MED27: variants seen among roughly 807,000 people sequenced by gnomAD.
MED27 encodes the protein mediator complex subunit 27.
A neutral mutation model predicts 38.2 loss-of-function variants in MED27; 30 were observed. The ratio of observed to expected loss-of-function variants is 0.79; its 90% CI spans 0.59 to 1.07. The LOEUF is 1.07. MED27 is among the 50% of genes least tolerant of loss of function. The pLI is 0.00. For missense variants in MED27, 289 were observed against 397.5 expected (o/e 0.73, Z 2.32); for synonymous variants, 122 against 153.5 (o/e 0.79, Z 1.52).
intron 6 of MED27, among the ~76,000 whole-genome samples, chr9:131,875,077 T>C (rs1040095332): frequency 1.1e-4 from 17 of 150,808 alleles, no homozygotes; most frequent in Admixed American, 9.4e-4. Context: ...CCCTGCTCAG[T>C]GGGGGAAACG....
Position 131,975,212 on chromosome 9 carries a change from C to T in MED27, c.480-35738G>A, listed in dbSNP as rs185615834. Among the ~76,000 whole-genome samples, 13 of 152,306 alleles carry T rather than the reference C, an allele frequency of 8.5e-5. No homozygotes were observed. The East Asian group carries it at 2.5e-3, about 29-fold the overall frequency. On this transcript the variant is annotated intron_variant, in intron 3 of 7. Coordinates refer to ENST00000292035, the MANE Select transcript of MED27 (RefSeq NM_004269.4). ...GTCTTTTTCAAAAGGAATGTATCTCCAATTTTATAATCAAATAAATAGCAG... is the reference window on the plus strand; with the variant it reads ...GTCTTTTTCAAAAGGAATGTATCTCTAATTTTATAATCAAATAAATAGCAG...
At position 132,007,795 on chromosome 9, in the gene MED27, G is replaced by A. The variant is rs529962223; in HGVS notation, c.479+6542C>T. Among the ~76,000 whole-genome samples the A allele has an allele frequency of 4.6e-5, 7 of 152,184 alleles. No homozygotes were observed. The South Asian group carries it at 1.0e-3, about 23-fold the overall frequency. On this transcript the variant is annotated intron_variant, in intron 3 of 7. Coordinates refer to ENST00000292035, the MANE Select transcript of MED27 (RefSeq NM_004269.4). ...AGGAGTAGGTGAGAGGGATCCATCA[G>A]CAAGTAGATGGGCTGTTCTTAGCTT...
At chr9:132,078,833 C>T (rs902205273) in intron 1 of MED27, among the ~76,000 whole-genome samples, 1 of 152,196 alleles carries the variant, frequency 6.6e-6, no homozygotes, top group African/African-American at 2.4e-5. Context: ...AAGGCAAGTT[C>T]AGGACCTAAG....
intron 3 of MED27, among the ~76,000 whole-genome samples, chr9:132,002,265 T>C (rs4072844): frequency 0.019 from 2,937 of 152,350 alleles, 89 homozygotes; most frequent in African/African-American, 0.067. Flanking sequence ...AGAGATTTAA[T>C]GTCTCCGCAA....
At chr9:131,940,052 G>A (rs1205736330) in intron 3 of MED27, among the ~76,000 whole-genome samples, 3 of 151,290 alleles carry the variant, frequency 2.0e-5, no homozygotes, top group Non-Finnish European at 3.0e-5. Context: ...GACTACAGGC[G>A]ATCCCCACCA....
chr9:132,039,587 C>T (rs1048365647), intron 2 of MED27, among the ~76,000 whole-genome samples: 11 of 152,262 alleles, frequency 7.2e-5, no homozygotes, highest in African/African-American at 2.2e-4. Context: ...CTAAATTCAC[C>T]GCCAGTCTGT....
rs541922295 is a variant in MED27, at chr9:132,071,922, C to T, written c.348+5520G>A. On this transcript the variant is annotated intron_variant, in intron 2 of 7. Transcript: ENST00000292035. ...CACACAAGCATATGAGTAACACACA[C>T]CCCATAAATGAGTACAGAGGCATAT... Among the ~76,000 whole-genome samples, 4 of 152,170 alleles carry T rather than the reference C, an allele frequency of 2.6e-5. No individual in the cohort carries two copies. The East Asian group carries it at 5.8e-4, about 22-fold the overall frequency.
chr9:131,956,431 C>A (rs1013232692), intron 3 of MED27, among the ~76,000 whole-genome samples: 2 of 152,162 alleles, frequency 1.3e-5, no homozygotes, highest in African/African-American at 2.4e-5. Context: ...GCCTGGCCAA[C>A]ATGGCGAAAC....
chr9:132,059,544 A>T (rs1006792263), intron 2 of MED27, among the ~76,000 whole-genome samples: 1 of 152,232 alleles, frequency 6.6e-6, no homozygotes, highest in Non-Finnish European at 1.5e-5. Flanking sequence ...CGAGAGATGC[A>T]GTCATGCTCT....
At chr9:131,964,460 T>G (rs1831298615) in intron 3 of MED27, among the ~76,000 whole-genome samples, 2 of 133,084 alleles carry the variant, frequency 1.5e-5, no homozygotes, top group Non-Finnish European at 3.3e-5. Flanking sequence ...GAAGTAATAT[T>G]CAGGCTCCTT....
At chr9:131,881,622 C>T (rs1839041267) in intron 6 of MED27, among the ~76,000 whole-genome samples, 2 of 152,078 alleles carry the variant, frequency 1.3e-5, no homozygotes, top group Non-Finnish European at 2.9e-5. Flanking sequence ...TCCCATGTCC[C>T]TCACCCCGTT....
intron 3 of MED27, among the ~76,000 whole-genome samples, chr9:131,961,666 C>T (rs1038559664): frequency 1.3e-5 from 2 of 152,224 alleles, no homozygotes; most frequent in African/African-American, 2.4e-5. Context: ...GACAGAACCG[C>T]TGCTTTCGTG....
chr9:131,941,426 A>C (rs1830784017), intron 3 of MED27, among the ~76,000 whole-genome samples: 1 of 152,192 alleles, frequency 6.6e-6, no homozygotes, highest in Non-Finnish European at 1.5e-5. Context: ...GCCAGCTCTG[A>C]AAGTTAGAAA....
intron 3 of MED27, among the ~76,000 whole-genome samples, chr9:131,975,046 CT>C (rs1447929302): frequency 6.6e-5 from 10 of 152,164 alleles, no homozygotes; most frequent in Non-Finnish European, 1.2e-4. Context: ...TCATGCTGAC[CT>C]TTAAGCCAAA....
intron 6 of MED27, among the ~76,000 whole-genome samples, chr9:131,876,446 C>G (rs1006673474): frequency 6.6e-5 from 10 of 152,130 alleles, no homozygotes; most frequent in Admixed American, 6.5e-4. Flanking sequence ...GCTGAGGGAG[C>G]CTTGTGCAGG....
At chr9:132,077,321 A>C in intron 2 of MED27, 121 bp downstream of exon 2, 1 of 1,012,710 alleles carries the variant, frequency 9.9e-7, no homozygotes, top group Non-Finnish European at 1.5e-6. Context: ...CCAACTCTAT[A>C]ACCCCATGCT....
intron 3 of MED27, among the ~76,000 whole-genome samples, chr9:132,013,464 A>G (rs1681631133): frequency 6.6e-6 from 1 of 152,220 alleles, no homozygotes. Flanking sequence ...CCCTTATGGG[A>G]TTCTGGAAGT....
chr9:132,038,892 A>C (rs1224220022), intron 2 of MED27, among the ~76,000 whole-genome samples: 1 of 152,128 alleles, frequency 6.6e-6, no homozygotes, highest in Non-Finnish European at 1.5e-5. Flanking sequence ...CTTCGAACGG[A>C]GTGACAGGAC....
intron 3 of MED27, among the ~76,000 whole-genome samples, chr9:132,005,438 G>C (rs1032995486): frequency 6.6e-6 from 1 of 152,190 alleles, no homozygotes; most frequent in African/African-American, 2.4e-5. Flanking sequence ...TGAATGCCAG[G>C]TATTTGACCA....
Sources: allele counts gnomAD v4.1 joint callset (sites outside exome capture counted in the v4.1 genomes callset), GRCh38; gene constraint gnomAD v4.1.1; transcripts MANE v1.5; gene names NCBI Gene and HGNC (gene_info 2026-07-23, HGNC 2026-07-21).